Variants in BOC observed in about 807,000 individuals in gnomAD.
BOC encodes the protein BOC cell adhesion associated, oncogene regulated, also known as brother of CDO.
In BOC, 76 loss-of-function variants were observed where a neutral mutation model predicts 112.0. The observed-to-expected ratio is 0.68, with a 90% CI of 0.56 to 0.82. The LOEUF (loss-of-function observed/expected upper bound fraction) is 0.82. Among genes scored for constraint, BOC ranks in the 40% least tolerant of loss-of-function variants. BOC has a pLI of 0.00. For synonymous variants in BOC, 580 were observed against 599.8 expected, an observed-to-expected ratio of 0.97 and a Z score of 0.48; for missense variants, 1,309 against 1,511.7, an observed-to-expected ratio of 0.87 and a Z score of 2.22.
At chr3:113,230,737 A>G (rs1297334116) in intron 2 of BOC, among the ~76,000 whole-genome samples, 1 of 152,232 alleles carries the variant, frequency 6.6e-6, no homozygotes, top group Non-Finnish European at 1.5e-5. Context: ...CTAGTGTAGT[A>G]CATTCAATAA....
At chr3:113,280,424 T>C (rs897856425) in intron 13 of BOC, 134 bp from the exon 14 acceptor site, 2 of 672,738 alleles carry the variant, frequency 3.0e-6, no homozygotes, top group African/African-American at 1.8e-5. Context: ...AGGGATATCA[T>C]TAGAAATCTT....
chr3:113,223,568 G>A (rs1426728615), intron 2 of BOC, among the ~76,000 whole-genome samples: 2 of 152,100 alleles, frequency 1.3e-5, no homozygotes, highest in Non-Finnish European at 2.9e-5. Context: ...CAGAATAATA[G>A]TTTCACTCCC....
At chr3:113,242,750 A>G (rs1944460801) in intron 2 of BOC, among the ~76,000 whole-genome samples, 1 of 151,536 alleles carries the variant, frequency 6.6e-6, no homozygotes, top group African/African-American at 2.4e-5. Flanking sequence ...TGAATTTTAA[A>G]CTCTTTTCTC....
At chr3:113,267,653 T>C (rs377327316) in intron 4 of BOC, among the ~76,000 whole-genome samples, 4 of 152,238 alleles carry the variant, frequency 2.6e-5, no homozygotes, top group African/African-American at 9.6e-5. Context: ...CTTCTGGTTA[T>C]AACCATGGCC....
chr3:113,282,242 T>G (rs1409165330), intron 15 of BOC, among the ~76,000 whole-genome samples: 2 of 152,124 alleles, frequency 1.3e-5, no homozygotes, highest in East Asian at 1.9e-4. Context: ...TGGATTTGTC[T>G]GCTGAGATGG....
At chr3:113,214,786 A>G (rs1045574827) in intron 1 of BOC, among the ~76,000 whole-genome samples, 1 of 152,226 alleles carries the variant, frequency 6.6e-6, no homozygotes, top group Admixed American at 6.5e-5. Context: ...TCATCTCCAT[A>G]CTTCAATTCA....
At chr3:113,234,416 A>G (rs1943137851) in intron 2 of BOC, among the ~76,000 whole-genome samples, 1 of 151,976 alleles carries the variant, frequency 6.6e-6, no homozygotes, top group Non-Finnish European at 1.5e-5. Flanking sequence ...CATTTCTTTT[A>G]TCATTCTCCT....
intron 1 of BOC, among the ~76,000 whole-genome samples, chr3:113,213,086 C>T (rs1405266040): frequency 6.6e-6 from 1 of 152,122 alleles, no homozygotes; most frequent in Admixed American, 6.5e-5. Context: ...TGTGCTCCTC[C>T]AGAGATGTGG....
At chr3:113,229,340 G>A (rs915159024) in intron 2 of BOC, among the ~76,000 whole-genome samples, 20 of 152,340 alleles carry the variant, frequency 1.3e-4, no homozygotes, top group African/African-American at 4.1e-4. Context: ...TGTTAAAGCA[G>A]TCATTGGTGG....
In BOC at chr3:113,284,960, G is replaced by A. The variant is rs933275115; in HGVS notation, c.2966+102G>A. The A allele has an allele frequency of 3.9e-6, 4 of 1,023,020 alleles. No individual in the cohort carries two copies. In the African/African-American group the frequency reaches 4.8e-5, roughly 12 times the overall value. 63.4% of individuals were successfully genotyped at this position (1,023,020 alleles called of 1,614,324 possible). On this transcript the variant is annotated intron_variant, in intron 18 of 19. Coordinates refer to ENST00000682979, the MANE Select transcript of BOC (RefSeq NM_001378074.1). ...TCACTGAGAGCCAAGCAGTAGTGCT[G>A]TACTCAGGGGTCCCCGTGACTGACA...
chr3:113,280,380 T>C (rs1320701213), intron 13 of BOC, among the ~76,000 whole-genome samples, 178 bp from the exon 14 acceptor site: 2 of 152,198 alleles, frequency 1.3e-5, no homozygotes, highest in African/African-American at 2.4e-5. Flanking sequence ...AATAAAATAA[T>C]GAGTAATCTT....
Position 113,270,921 on chromosome 3 carries a change from C to T in BOC, c.644C>T (p.Ser215Phe). 2 of 1,614,206 alleles carry T rather than the reference C, an allele frequency of 1.2e-6. No individual in the cohort carries two copies. Among genetic ancestry groups the T allele is most frequent in the South Asian group, 1.1e-5 (1 of 91,078 alleles). Residue 215 changes from serine to phenylalanine, a missense_variant, in exon 6 of 20, where the codon TCC (serine) becomes TTC (phenylalanine). Physicochemically the swap from Ser to Phe is radical, Grantham distance 155. Coordinates refer to ENST00000682979, the MANE Select transcript of BOC (RefSeq NM_001378074.1). ...ACCCAGGAAGTGAAAACCTCCGGCT[C>T]CAGCGACAGGCTACGTGTGCGCCGT... is the stretch of plus-strand genomic sequence containing the variant. ...PVTQEVKTSG[S>F]SDRLRVRRST...
chr3:113,240,158 T>C (rs1043917611), intron 2 of BOC, among the ~76,000 whole-genome samples: 6 of 152,336 alleles, frequency 3.9e-5, no homozygotes, highest in Middle Eastern at 3.4e-3. Context: ...TTGGGATATA[T>C]GGCCTTGGGT....
At chr3:113,229,917 AT>A (rs1479459360) in intron 2 of BOC, among the ~76,000 whole-genome samples, 3 of 152,164 alleles carry the variant, frequency 2.0e-5, no homozygotes, top group Non-Finnish European at 4.4e-5. Flanking sequence ...GCACATTACT[AT>A]TTCCAGGAAG....
rs1948512097 is a variant in BOC, at chr3:113,274,980, GGAGACCGTGAACA to G, written c.1542+300_1542+312del. Reference sequence around the variant, plus strand: ...GCTCACACTGGCTTCTAGTCCCTGAGGAGACCGTGAACAGTCTCCCTGGTAACCATCACCCTCC... The same window carrying G: ...GCTCACACTGGCTTCTAGTCCCTGAGGTCTCCCTGGTAACCATCACCCTCC... On this transcript the variant is annotated intron_variant, in intron 9 of 19. Coordinates refer to ENST00000682979, the MANE Select transcript of BOC (RefSeq NM_001378074.1). The surrounding 1 kb of genome is among the most constrained non-coding windows in gnomAD (Gnocchi z 4.8). 6.6e-6 allele frequency among the ~76,000 whole-genome samples: 1 copy of G among 152,178 alleles called. No individual in the cohort carries two copies. Among genetic ancestry groups the G allele is most frequent in the Non-Finnish European group, 1.5e-5 (1 of 68,030 alleles).
chr3:113,258,494 G>A (rs546148291), intron 4 of BOC, among the ~76,000 whole-genome samples: 13 of 152,270 alleles, frequency 8.5e-5, no homozygotes, highest in East Asian at 1.9e-4. Flanking sequence ...TTCCGCCCCC[G>A]TCTGGTTCAG....
chr3:113,266,560 G>A (rs1947497765), intron 4 of BOC, among the ~76,000 whole-genome samples: 1 of 152,152 alleles, frequency 6.6e-6, no homozygotes, highest in Non-Finnish European at 1.5e-5. Flanking sequence ...GAATTTATGA[G>A]TTCAACTATG....
chr3:113,260,331 G>GGACTCAAAAGCAA (rs1946681058), intron 4 of BOC, among the ~76,000 whole-genome samples: 3 of 152,138 alleles, frequency 2.0e-5, no homozygotes, highest in Non-Finnish European at 4.4e-5. Context: ...GGATAAAGCA[G>GGACTCAAAAGCAA]GGACTCAGGA....
At chr3:113,245,638 T>C (rs141243971) in intron 2 of BOC, among the ~76,000 whole-genome samples, 42 of 152,332 alleles carry the variant, frequency 2.8e-4, no homozygotes, top group African/African-American at 9.9e-4. Flanking sequence ...ACTGGGAGCA[T>C]GCAAAATGAA....
Sources: allele counts gnomAD v4.1 joint callset (sites outside exome capture counted in the v4.1 genomes callset), GRCh38; gene constraint gnomAD v4.1.1; non-coding constraint Gnocchi (gnomAD v3.1); transcripts MANE v1.5; gene names NCBI Gene and HGNC (gene_info 2026-07-23, HGNC 2026-07-21).